Variants in OTUD7B observed in about 807,000 individuals in gnomAD.
OTUD7B encodes OTU deubiquitinase 7B, also known as OTU domain-containing protein 7B.
A neutral mutation model predicts 82.2 loss-of-function variants in OTUD7B; 34 were observed. The observed-to-expected ratio is 0.41, with a 90% CI of 0.31 to 0.55. The LOEUF (loss-of-function observed/expected upper bound fraction) is 0.55, where lower values mean the gene tolerates loss of function less well. OTUD7B is among the 20% of genes least tolerant of loss of function. The pLI is 0.20. For synonymous variants in OTUD7B, 398 were observed against 402.7 expected, an observed-to-expected ratio of 0.99 and a Z score of 0.14; for missense variants, 944 against 1,062.1, an observed-to-expected ratio of 0.89 and a Z score of 1.55.
intron 2 of OTUD7B, among the ~76,000 whole-genome samples, chr1:149,972,390 T>G (rs138201401): frequency 5.8e-4 from 88 of 152,310 alleles, no homozygotes; most frequent in African/African-American, 2.1e-3. Flanking sequence ...ACATGCTAAG[T>G]CCACTCTCAC....
the OTUD7B span, among the ~76,000 whole-genome samples, chr1:150,057,970 G>C: frequency 2.6e-5 from 4 of 152,192 alleles, no homozygotes; most frequent in Admixed American, 2.0e-4. Context: ...ACAAGTGAAA[G>C]CACTGCCCAA....
At chr1:150,055,317 C>T in the OTUD7B span, among the ~76,000 whole-genome samples, 4 of 151,962 alleles carry the variant, frequency 2.6e-5, no homozygotes, top group Non-Finnish European at 5.9e-5. Context: ...GGATTACAGG[C>T]GTGAGCCACT....
the OTUD7B span, among the ~76,000 whole-genome samples, chr1:150,042,421 C>T: frequency 5.3e-5 from 8 of 151,942 alleles, no homozygotes; most frequent in South Asian, 6.2e-4. Flanking sequence ...GATCCGCCCC[C>T]GCTCAGCCTC....
At chr1:150,036,542 G>A in the OTUD7B span, among the ~76,000 whole-genome samples, 1 of 152,144 alleles carries the variant, frequency 6.6e-6, no homozygotes, top group Non-Finnish European at 1.5e-5. Flanking sequence ...TACAGGCTGA[G>A]CCACCACACT....
At chr1:149,945,717 G>A (rs892543512) in intron 11 of OTUD7B, among the ~76,000 whole-genome samples, 7 of 152,130 alleles carry the variant, frequency 4.6e-5, no homozygotes, top group Middle Eastern at 3.2e-3. Context: ...GACTTTGGAC[G>A]AAATAATGAT....
chr1:150,038,129 G>C, the OTUD7B span, among the ~76,000 whole-genome samples: 4 of 152,002 alleles, frequency 2.6e-5, no homozygotes, highest in Middle Eastern at 3.4e-3. Context: ...AAAGTGCTAG[G>C]ATTACAGGCG....
At chr1:150,035,519 T>C in the OTUD7B span, among the ~76,000 whole-genome samples, 1 of 152,166 alleles carries the variant, frequency 6.6e-6, no homozygotes, top group Non-Finnish European at 1.5e-5. Context: ...GGTTCCAGTC[T>C]CTAGAAAAGA....
intron 11 of OTUD7B, among the ~76,000 whole-genome samples, chr1:149,945,421 C>G (rs1647643454): frequency 6.6e-6 from 1 of 152,148 alleles, no homozygotes; most frequent in South Asian, 2.1e-4. Context: ...AATGAGCAAC[C>G]ATATGATACG....
Position 149,942,213 on chromosome 1 carries a change from G to A in OTUD7B, c.*1644C>T, listed in dbSNP as rs1414317307. 2 of 152,538 alleles carry A rather than the reference G, an allele frequency of 1.3e-5. No homozygotes were observed. Among genetic ancestry groups the A allele is most frequent in the Non-Finnish European group, 2.9e-5 (2 of 68,038 alleles). 9.4% of individuals were successfully genotyped at this position (152,538 alleles called of 1,614,324 possible). On this transcript the variant is annotated 3_prime_UTR_variant, in exon 12 of 12. Coordinates refer to ENST00000581312, the MANE Select transcript of OTUD7B (RefSeq NM_020205.4). Reference sequence around the variant, plus strand: ...ACCTCAAAAGAGAAATCCAAACACAGAAAAACAGCCCCAGTTAATACTCTG... The same window carrying A: ...ACCTCAAAAGAGAAATCCAAACACAAAAAAACAGCCCCAGTTAATACTCTG...
the OTUD7B span, chr1:150,067,621 A>G: frequency 0.18 from 93,517 of 505,632 alleles, 13,625 homozygotes; most frequent in African/African-American, 0.56. Context: ...GTGGAGAATA[A>G]CGCCCGCGCG....
chr1:149,970,193 G>A (rs1420851666), intron 3 of OTUD7B, among the ~76,000 whole-genome samples: 1 of 144,198 alleles, frequency 6.9e-6, no homozygotes. Context: ...ACTTTGGGGG[G>A]CCAAGTCAGA....
chr1:149,952,500 C>T (rs1202737972), intron 7 of OTUD7B, among the ~76,000 whole-genome samples: 4 of 152,142 alleles, frequency 2.6e-5, no homozygotes, highest in African/African-American at 9.7e-5. Flanking sequence ...AATAGTGCCA[C>T]AATACACATA....
chr1:150,007,912 C>A (rs145673787), intron 1 of OTUD7B, among the ~76,000 whole-genome samples: 171 of 152,272 alleles, frequency 1.1e-3, no homozygotes, highest in African/African-American at 4.0e-3. Flanking sequence ...TAAGGATTTT[C>A]CCTTTGGTGG....
At position 149,971,086 on chromosome 1, in the gene OTUD7B, T is replaced by G. The variant is rs782196549; in HGVS notation, c.251A>C (p.Gln84Pro). 11 of 1,609,554 alleles carry G rather than the reference T, an allele frequency of 6.8e-6. No individual in the cohort carries two copies. The highest frequency in any genetic ancestry group is 8.5e-6 in the Non-Finnish European group (10 of 1,176,714). ...ACCTTGAACGATGTCATCCTGCCGCTGGAGGATGGGTCGGGGAGGGCGAGT... is the reference window on the plus strand; with the variant it reads ...ACCTTGAACGATGTCATCCTGCCGCGGGAGGATGGGTCGGGGAGGGCGAGT... ...EPTRPPRPIL[Q>P]RQDDIVQEKR... The change falls in exon 3 of 12, where the codon CAG (glutamine) becomes CCG (proline). Residue 84 changes from glutamine (Q) to proline (P), a missense_variant. Gln to Pro is a moderately conservative substitution (Grantham distance 76). Coordinates refer to ENST00000581312, the MANE Select transcript of OTUD7B (RefSeq NM_020205.4).
intron 1 of OTUD7B, among the ~76,000 whole-genome samples, chr1:149,982,269 A>G (rs1238735777): frequency 2.0e-5 from 3 of 152,092 alleles, no homozygotes; most frequent in Non-Finnish European, 4.4e-5. Flanking sequence ...AAAGACTTCA[A>G]AAGTCAGGTA....
intron 3 of OTUD7B, among the ~76,000 whole-genome samples, chr1:149,970,634 G>A (rs73010186): frequency 0.019 from 2,912 of 152,132 alleles, 79 homozygotes; most frequent in African/African-American, 0.064. Context: ...TATTTATTTA[G>A]AGAATACTTA....
At chr1:149,947,489 C>CT (rs1265354918) in intron 10 of OTUD7B, among the ~76,000 whole-genome samples, 154 bp from the exon 11 acceptor site, 2 of 152,150 alleles carry the variant, frequency 1.3e-5, no homozygotes, top group Non-Finnish European at 2.9e-5. Context: ...GCTTTATGAC[C>CT]TTGAGCAAGT....
chr1:150,030,794 G>A, the OTUD7B span, among the ~76,000 whole-genome samples: 1 of 152,138 alleles, frequency 6.6e-6, no homozygotes, highest in Admixed American at 6.5e-5. Flanking sequence ...ACCCTTTCAT[G>A]ATTACTATTG....
chr1:150,010,937 C>A (rs191101600), upstream of OTUD7B, among the ~76,000 whole-genome samples: 32 of 152,326 alleles, frequency 2.1e-4, no homozygotes, highest in African/African-American at 7.2e-4. Context: ...TGGTCTGGAG[C>A]ATTCTTGAAC....
Sources: gnomAD v4.1 joint callset for allele counts (sites outside exome capture counted in the v4.1 genomes callset) on GRCh38, gnomAD v4.1.1 for gene constraint, MANE v1.5 for transcripts, NCBI Gene and HGNC (gene_info 2026-07-23, HGNC 2026-07-21) for gene names.